The following KIF2C variants were observed in gnomAD, a reference collection of about 807,000 sequenced individuals.
KIF2C encodes the protein kinesin family member 2C.
KIF2C carries 34 observed loss-of-function variants against 97.4 expected under a neutral mutation model. The ratio of observed to expected loss-of-function variants is 0.35; its 90% CI spans 0.27 to 0.46. KIF2C has a LOEUF of 0.46. KIF2C is among the 20% of genes least tolerant of loss of function. The pLI, the probability that KIF2C is intolerant of heterozygous loss-of-function variation, is 1.00. For missense variants in KIF2C, 750 were observed against 907.6 expected (o/e 0.83, Z 2.23); for synonymous variants, 313 against 318.2 (o/e 0.98, Z 0.17).
Position 44,750,432 on chromosome 1 carries a change from G to T in KIF2C, c.317-10G>T. ...GCAGCACTGACTGGCTACTGCTCTC[G>T]GTTCTCCAGGTCTTCGAAGCCGCTC... On this transcript the variant is annotated splice_polypyrimidine_tract_variant and intron_variant, in intron 4 of 20. Coordinates refer to ENST00000372224, the MANE Select transcript of KIF2C (RefSeq NM_006845.4). 2 of 1,444,148 alleles carry T rather than the reference G, an allele frequency of 1.4e-6. No individual in the cohort carries two copies. Among genetic ancestry groups the T allele is most frequent in the Non-Finnish European group, 1.8e-6 (2 of 1,087,006 alleles). 89.5% of individuals were successfully genotyped at this position (1,444,148 alleles called of 1,614,324 possible).
At chr1:44,741,484 A>C (rs913764594) in intron 2 of KIF2C, among the ~76,000 whole-genome samples, 1 of 151,980 alleles carries the variant, frequency 6.6e-6, no homozygotes, top group Non-Finnish European at 1.5e-5. Context: ...CAGGAGTTCG[A>C]GACCAGCCTG....
intron 13 of KIF2C, 55 bp from the exon 14 acceptor site, chr1:44,759,151 G>A (rs1338384739): frequency 2.3e-5 from 37 of 1,608,592 alleles, no homozygotes; most frequent in South Asian, 1.8e-4. Context: ...GGAAGCAGTC[G>A]GGTGGGGTGC....
At chr1:44,745,164 G>T (rs1649118857) in intron 2 of KIF2C, among the ~76,000 whole-genome samples, 1 of 151,568 alleles carries the variant, frequency 6.6e-6, no homozygotes, top group African/African-American at 2.4e-5. Flanking sequence ...ACTCCAGCCT[G>T]GGCACCAAGA....
intron 11 of KIF2C, 82 bp from the exon 12 acceptor site, chr1:44,757,826 C>A (rs1270297954): frequency 4.2e-6 from 6 of 1,412,916 alleles, no homozygotes; most frequent in Non-Finnish European, 5.0e-6. Flanking sequence ...TTTGTTGTGG[C>A]CCACTGTAGT....
Position 44,750,462 on chromosome 1 carries a change from C to G in KIF2C, c.337C>G (p.Arg113Gly). ...TCCAGGTCTTCGAAGCCGCTCCACT[C>G]GCATGTCCACTGTCTCAGAGCTTCG... is the stretch of plus-strand genomic sequence containing the variant. ...PKESLRSRST[R>G]MSTVSELRIT... The change falls in exon 5 of 21, where the codon CGC (arginine) becomes GGC (glycine). Residue 113 changes from arginine to glycine, a missense_variant. Transcript: ENST00000372224. The G allele has an allele frequency of 6.5e-7, 1 of 1,545,838 alleles. No homozygotes were observed. The highest frequency in any genetic ancestry group is 8.8e-7 in the Non-Finnish European group (1 of 1,140,910).
intron 2 of KIF2C, among the ~76,000 whole-genome samples, chr1:44,746,223 A>G (rs1457103081): frequency 6.6e-6 from 1 of 152,214 alleles, no homozygotes; most frequent in African/African-American, 2.4e-5. Flanking sequence ...CCTAGAGTAC[A>G]TGCTTCAGCT....
intron 10 of KIF2C, 32 bp from the exon 11 acceptor site, chr1:44,757,524 G>A: frequency 7.1e-7 from 1 of 1,407,376 alleles, no homozygotes; most frequent in Non-Finnish European, 1.0e-6. Flanking sequence ...CACAGTTTGG[G>A]AACAGATACA....
At chr1:44,743,106 G>A (rs754560796) in intron 2 of KIF2C, among the ~76,000 whole-genome samples, 1 of 152,198 alleles carries the variant, frequency 6.6e-6, no homozygotes, top group African/African-American at 2.4e-5. Flanking sequence ...GGAGACAAAG[G>A]TCTTCATGTC....
chr1:44,750,233 T>G (rs67742332), intron 4 of KIF2C: 87,613 of 410,368 alleles, frequency 0.21, 11,415 homozygotes, highest in African/African-American at 0.46. Context: ...CCTCAGGAGC[T>G]CCTAGATTTG....
intron 2 of KIF2C, among the ~76,000 whole-genome samples, chr1:44,745,462 G>GTTTTTTTTTTTTTTTT (rs1557589253): frequency 2.3e-5 from 1 of 42,746 alleles, no homozygotes; most frequent in Non-Finnish European, 4.4e-5. Context: ...GGTTGTATAT[G>GTTTTTTTTTTTTTTTT]TCTTTTTTTT....
chr1:44,752,656 A>G (rs555995235), intron 5 of KIF2C, among the ~76,000 whole-genome samples: 57 of 152,178 alleles, frequency 3.7e-4, no homozygotes, highest in Non-Finnish European at 6.5e-4. Flanking sequence ...ATGGGAAGTA[A>G]TGAGGTGTTG....
At chr1:44,746,402 G>C in intron 2 of KIF2C, 2 of 1,115,576 alleles carry the variant, frequency 1.8e-6, no homozygotes, top group Non-Finnish European at 2.2e-6. Flanking sequence ...GTAAGGCATG[G>C]GCAGGAAGCC....
At chr1:44,758,691 A>G (rs12127328) in intron 13 of KIF2C, among the ~76,000 whole-genome samples, 14,911 of 152,138 alleles carry the variant, frequency 0.098, 930 homozygotes, top group Non-Finnish European at 0.14. Context: ...CCTGGCTAAC[A>G]TGGTGAAACC....
At chr1:44,754,322 A>G (rs1383534578) in intron 7 of KIF2C, among the ~76,000 whole-genome samples, 1 of 152,142 alleles carries the variant, frequency 6.6e-6, no homozygotes, top group African/African-American at 2.4e-5. Flanking sequence ...GATGAGGAAC[A>G]TTTCATGCTG....
intron 5 of KIF2C, among the ~76,000 whole-genome samples, chr1:44,751,594 TG>T (rs2148825722): frequency 1.3e-5 from 2 of 150,900 alleles, no homozygotes; most frequent in South Asian, 4.2e-4. Flanking sequence ...CCTCAATCTC[TG>T]CCTCCCGGGT....
At chr1:44,740,783 T>G (rs1241263939) in intron 1 of KIF2C, 130 bp from the exon 2 acceptor site, 1 of 397,540 alleles carries the variant, frequency 2.5e-6, no homozygotes, top group Non-Finnish European at 4.7e-6. Flanking sequence ...CTCTTAGTTT[T>G]TTTTTTTTTT....
chr1:44,762,985 G>A (rs188507583), intron 19 of KIF2C, among the ~76,000 whole-genome samples: 1 of 152,164 alleles, frequency 6.6e-6, no homozygotes, highest in Non-Finnish European at 1.5e-5. Flanking sequence ...TGCAACTCTT[G>A]TGCTGAATCC....
chr1:44,765,976 C>T lies in KIF2C; in HGVS notation c.1972-850C>T, dbSNP rs546930379. Among the ~76,000 whole-genome samples the T allele has an allele frequency of 1.1e-4, 16 of 151,950 alleles. No individual in the cohort carries two copies. In the East Asian group the frequency reaches 1.2e-3, roughly 11 times the overall value. On this transcript the variant is annotated intron_variant, in intron 19 of 20. Transcript: ENST00000372224. ...CTGAGGCAGGAGAATCACTTGAACC[C>T]GGGAGGCGGAGGTTGCAGTGAGCCG...
rs753065337 is a variant in KIF2C, at chr1:44,758,134, T to C, written c.1218T>C (p.Asn406=). 5.5e-5 allele frequency: 88 copies of C among 1,613,754 alleles called. No individual in the cohort carries two copies. The highest frequency in any genetic ancestry group is 4.9e-4 in the Middle Eastern group (3 of 6,084). ...ATGTGACATTCTTCGAGATCTACAA[T>C]GGGAAGGTAGCTGGCAGGAAGCCCC... ...EVYVTFFEIY[N]GKLFDLLNKK... is the part of the protein sequence containing the mutation. The change falls in exon 13 of 21, where the codon AAT becomes AAC. Residue 406 remains asparagine (N), a synonymous_variant. Transcript: ENST00000372224.
Sources: allele counts gnomAD v4.1 joint callset (sites outside exome capture counted in the v4.1 genomes callset), GRCh38; gene constraint gnomAD v4.1.1; transcripts MANE v1.5; gene names NCBI Gene and HGNC (gene_info 2026-07-23, HGNC 2026-07-21).